Variants in SERPINE2 observed in about 807,000 individuals in gnomAD.
SERPINE2 encodes glia-derived nexin.
In SERPINE2, 14 loss-of-function variants were observed where a neutral mutation model predicts 36.3. The ratio of observed to expected loss-of-function variants is 0.39; its 90% CI spans 0.25 to 0.60. SERPINE2 has a LOEUF of 0.60. Ranked by LOEUF, SERPINE2 falls within the 20% of genes least tolerant of loss-of-function variation. The pLI is 0.57. For missense variants in SERPINE2, 418 were observed against 499.6 expected (o/e 0.84, Z 1.56); for synonymous variants, 192 against 191.8 (o/e 1.00, Z -0.01).
At chr2:224,029,932 A>G (rs955834876) in intron 1 of SERPINE2, 1 of 458,776 alleles carries the variant, frequency 2.2e-6, no homozygotes, top group Non-Finnish European at 2.9e-6. Context: ...CCGAGCCTCA[A>G]GTGATCTGCC....
Position 223,998,249 on chromosome 2 carries a change from T to C in SERPINE2, c.353A>G (p.Asn118Ser), listed in dbSNP as rs759441644. The C allele has an allele frequency of 3.0e-5, 49 of 1,614,076 alleles. No individual in the cohort carries two copies. The South Asian group carries it at 5.3e-4, about 17-fold the overall frequency. Residue 118 changes from asparagine (N) to serine (S), a missense_variant, in exon 3 of 9, where the codon AAT becomes AGT. Asn to Ser is a conservative substitution (Grantham distance 46, BLOSUM62 1). Transcript: ENST00000409304. Reference protein sequence around the residue: ...VTVANAVFVKNASEIEVPFVT... With the variant: ...VTVANAVFVKSASEIEVPFVT... ...AAAAGGCACTTCAATTTCAGAGGCA[T>C]TCTTAACAAACACGGCGTTAGCCAC...
intron 1 of SERPINE2, chr2:224,038,861 C>T (rs1018692922): frequency 4.0e-6 from 1 of 248,714 alleles, no homozygotes; most frequent in Non-Finnish European, 7.6e-6. Context: ...TCGGGGCTCC[C>T]GGCGGGCGGG....
At chr2:224,026,443 C>T (rs958617310) in intron 1 of SERPINE2, among the ~76,000 whole-genome samples, 22 of 152,290 alleles carry the variant, frequency 1.4e-4, no homozygotes, top group Admixed American at 3.9e-4. Context: ...GAAGCAACCT[C>T]GATAAGCATT....
intron 5 of SERPINE2, among the ~76,000 whole-genome samples, chr2:223,983,736 ATGTGTG>A (rs71058971): frequency 0.066 from 5,430 of 82,588 alleles, 233 homozygotes; most frequent in East Asian, 0.28. Flanking sequence ...ATGTGTGTAT[ATGTGTG>A]TGTGTGTGTG....
intron 1 of SERPINE2, among the ~76,000 whole-genome samples, chr2:224,017,985 T>A (rs1362702056): frequency 2.0e-5 from 3 of 152,242 alleles, no homozygotes; most frequent in African/African-American, 7.2e-5. Context: ...CTTTTTTCAA[T>A]TTCCTTTATT....
At chr2:223,987,149 C>A (rs570424832) in intron 4 of SERPINE2, among the ~76,000 whole-genome samples, 1 of 152,220 alleles carries the variant, frequency 6.6e-6, no homozygotes, top group African/African-American at 2.4e-5. Context: ...TCTGTAAAAG[C>A]CTACAATAAT....
At chr2:224,032,508 C>T (rs6735313) in intron 1 of SERPINE2, among the ~76,000 whole-genome samples, 99,224 of 152,008 alleles carry the variant, frequency 0.65, 32,529 homozygotes, top group South Asian at 0.71. Context: ...GGGTGGGGCA[C>T]GGTTTACAAA....
chr2:223,983,259 G>A (rs1690291019), intron 5 of SERPINE2, among the ~76,000 whole-genome samples: 1 of 152,062 alleles, frequency 6.6e-6, no homozygotes, highest in South Asian at 2.1e-4. Flanking sequence ...TTCATTTTGG[G>A]ATTCTTTTTT....
rs1553547022 is a variant in SERPINE2 at position 224,005,065 on chromosome 2, T to TTATATATTTTTTTATATA, written c.-22-3144_-22-3143insTATATAAAAAAATATATA. ...ATATATTTTATATATTTTATATATA[T>TTATATATTTTTTTATATA]TATATATATATATATATATATATAT... On this transcript the variant is annotated intron_variant, in intron 1 of 8. Transcript: ENST00000409304. 4.5e-4 allele frequency among the ~76,000 whole-genome samples: 15 copies of TTATATATTTTTTTATATA among 33,578 alleles called. No individual in the cohort carries two copies. The South Asian group carries it at 8.7e-3, about 20-fold the overall frequency. 22.0% of individuals were successfully genotyped at this position (33,578 alleles called of 152,430 possible). A position where few individuals can be genotyped will look rare whatever the true frequency, so the allele number is the denominator to read the frequency against.
Position 224,027,158 on chromosome 2 carries a change from T to C in SERPINE2, c.-23+11941A>G, listed in dbSNP as rs77646802. The stretch of plus-strand genomic sequence containing the variant: ...CTGACACTTAAGTCACTTCTCTGCA[T>C]GAAGGGCTTGGCATTAGCACTACTG... On this transcript the variant is annotated intron_variant, in intron 1 of 8. Coordinates refer to ENST00000409304, the MANE Select transcript of SERPINE2 (RefSeq NM_001136528.2). 5.1e-3 allele frequency among the ~76,000 whole-genome samples: 774 copies of C among 152,310 alleles called. 6 individuals carry two copies. Among genetic ancestry groups the C allele is most frequent in the African/African-American group, 0.018 (737 of 41,574 alleles).
intron 1 of SERPINE2, among the ~76,000 whole-genome samples, chr2:224,022,334 GAA>G (rs11283961): frequency 0.12 from 15,266 of 123,536 alleles, 810 homozygotes; most frequent in Admixed American, 0.15. Context: ...CCTGTCTCAA[GAA>G]AAAAAAAAAA....
intron 1 of SERPINE2, among the ~76,000 whole-genome samples, chr2:224,026,568 G>A (rs1692193429): frequency 6.6e-6 from 1 of 152,128 alleles, no homozygotes; most frequent in South Asian, 2.1e-4. Context: ...TAATGATTTT[G>A]TAAGGACCCT....
intron 1 of SERPINE2, chr2:224,038,800 TCACTGGACGCCACCCCGGGGCGG>T: frequency 2.3e-6 from 1 of 437,784 alleles, no homozygotes; most frequent in Non-Finnish European, 4.0e-6. Flanking sequence ...GCTGCGGGTA[TCACTGGACGCCACCCCGGGGCGG>T]CCCCGCCTTG....
intron 1 of SERPINE2, chr2:224,031,260 AC>A (rs5839037): frequency 0.98 from 969,290 of 985,214 alleles, 477,320 homozygotes; most frequent in Non-Finnish European, 0.99. Context: ...AGGCTGTGTG[AC>A]CCCCCACATA....
In SERPINE2 at chr2:223,984,956, G is replaced by T; in HGVS notation, c.686-6C>A. On this transcript the variant is annotated splice_region_variant and splice_polypyrimidine_tract_variant and intron_variant, in intron 4 of 8. Coordinates refer to ENST00000409304, the MANE Select transcript of SERPINE2 (RefSeq NM_001136528.2). ...ATTGGGGGCACTTGTCGACCCTAAAGAAATCAGAAGCAGGTTCAGTGTATC... is the reference window on the plus strand; with the variant it reads ...ATTGGGGGCACTTGTCGACCCTAAATAAATCAGAAGCAGGTTCAGTGTATC... 2 of 1,613,998 alleles carry T rather than the reference G, an allele frequency of 1.2e-6. No homozygotes were observed. The highest frequency in any genetic ancestry group is 1.7e-6 in the Non-Finnish European group (2 of 1,179,860).
At chr2:224,007,607 C>G (rs1691471856) in intron 1 of SERPINE2, among the ~76,000 whole-genome samples, 2 of 152,162 alleles carry the variant, frequency 1.3e-5, no homozygotes. Context: ...CGCAAAATAA[C>G]TCCTTAACAT....
chr2:224,003,143 CT>C (rs1342351902), intron 1 of SERPINE2, among the ~76,000 whole-genome samples: 1 of 152,122 alleles, frequency 6.6e-6, no homozygotes, highest in Non-Finnish European at 1.5e-5. Flanking sequence ...CAGCCACACT[CT>C]GATGGGTAAA....
chr2:224,005,062 A>ATT (rs1262774333), intron 1 of SERPINE2, among the ~76,000 whole-genome samples: 1,014 of 12,092 alleles, frequency 0.084, 23 homozygotes, highest in Non-Finnish European at 0.13. Context: ...TATTTTATAT[A>ATT]TATTATATAT....
At chr2:224,038,610 C>T in intron 1 of SERPINE2, 1 of 996,850 alleles carries the variant, frequency 1.0e-6, no homozygotes, top group Non-Finnish European at 1.6e-6. Flanking sequence ...CCACACCGCG[C>T]GTCACCTCCC....
Sources: allele counts gnomAD v4.1 joint callset (sites outside exome capture counted in the v4.1 genomes callset), GRCh38; gene constraint gnomAD v4.1.1; transcripts MANE v1.5; gene names NCBI Gene and HGNC (gene_info 2026-07-23, HGNC 2026-07-21).